Variants in NOL4L observed in about 807,000 individuals in gnomAD.
The protein encoded by NOL4L is nucleolar protein 4 like, also known as nucleolar protein 4-like.
Under a neutral mutation model 64.5 loss-of-function variants are expected in NOL4L, and 7 were observed. That is an observed-to-expected ratio of 0.11 (90% CI 0.06 to 0.20). The LOEUF is 0.20. Among genes scored for constraint, NOL4L ranks in the 10% least tolerant of loss-of-function variants. The probability of loss-of-function intolerance (pLI) is 1.00; values close to 1 mark genes in which losing one functional copy is unlikely to be tolerated. For missense variants in NOL4L, 680 were observed against 967.1 expected (o/e 0.70, Z 3.94); for synonymous variants, 413 against 401.0 (o/e 1.03, Z -0.36).
At chr20:32,555,991 G>T (rs535132090) in intron 1 of NOL4L, among the ~76,000 whole-genome samples, 3 of 152,094 alleles carry the variant, frequency 2.0e-5, no homozygotes, top group Non-Finnish European at 4.4e-5. Flanking sequence ...AGTATTCTGC[G>T]TATTTCTGTG....
chr20:32,476,375 C>T (rs2145486558), intron 4 of NOL4L, among the ~76,000 whole-genome samples: 1 of 152,300 alleles, frequency 6.6e-6, no homozygotes, highest in East Asian at 1.9e-4. Flanking sequence ...AGCAAGGCTG[C>T]AAGGTGCAGC....
At chr20:32,448,485 C>G in intron 10 of NOL4L, among the ~76,000 whole-genome samples, 1 of 152,210 alleles carries the variant, frequency 6.6e-6, no homozygotes, top group East Asian at 1.9e-4. Flanking sequence ...AACTGCACCC[C>G]CAGGAGGGAC....
At chr20:32,495,846 A>G (rs2016667587) in intron 4 of NOL4L, among the ~76,000 whole-genome samples, 1 of 151,932 alleles carries the variant, frequency 6.6e-6, no homozygotes, top group Non-Finnish European at 1.5e-5. Flanking sequence ...GGTCCCAGCT[A>G]CTCAGGAGGC....
chr20:32,453,850 G>T lies in NOL4L; in HGVS notation c.1120-89C>A. The T allele has an allele frequency of 7.8e-7, 1 of 1,287,400 alleles. No individual in the cohort carries two copies. 79.7% of individuals were successfully genotyped at this position (1,287,400 alleles called of 1,614,324 possible). ...CTACAGGCGGTGAGCTTGGGGACCA[G>T]GGTGGCACGCATGCCCTGCTGCCAC... On this transcript the variant is annotated intron_variant, in intron 6 of 10. Coordinates refer to ENST00000621426, the MANE Select transcript of NOL4L (RefSeq NM_001256798.2). This position sits in a 1 kb window ranked among gnomAD's most constrained non-coding sequence, Gnocchi z 5.6.
At chr20:32,558,195 C>T (rs980753198) in intron 1 of NOL4L, among the ~76,000 whole-genome samples, 4 of 152,254 alleles carry the variant, frequency 2.6e-5, no homozygotes, top group African/African-American at 9.6e-5. Flanking sequence ...CCCAGTGCCA[C>T]TGCCCTGTGT....
chr20:32,525,317 C>A (rs1242393299), intron 2 of NOL4L, among the ~76,000 whole-genome samples: 7 of 152,348 alleles, frequency 4.6e-5, no homozygotes, highest in African/African-American at 1.7e-4. Flanking sequence ...TCCAGCCCAT[C>A]CGCCTGGACA....
intron 10 of NOL4L, among the ~76,000 whole-genome samples, chr20:32,450,848 G>A (rs374430286): frequency 2.6e-5 from 4 of 152,172 alleles, no homozygotes; most frequent in Admixed American, 6.5e-5. Flanking sequence ...ACCTCTCACC[G>A]TGCTGGCCAC....
At chr20:32,488,873 TTCTTTCTTTC>T (rs1568649504) in intron 4 of NOL4L, among the ~76,000 whole-genome samples, 7 of 105,562 alleles carry the variant, frequency 6.6e-5, no homozygotes, top group African/African-American at 5.5e-5. Flanking sequence ...CTTTCTTTCT[TTCTTTCTTTC>T]TTTCTTTCTT....
intron 1 of NOL4L, among the ~76,000 whole-genome samples, chr20:32,583,222 G>C (rs1980603176): frequency 6.6e-6 from 1 of 151,598 alleles, no homozygotes; most frequent in Admixed American, 6.6e-5. Context: ...GCGGCCTGCA[G>C]CCCCGTCCCC....
rs546809760 is a variant in NOL4L at position 32,492,722 on chromosome 20, C to A, written c.700-17980G>T. On this transcript the variant is annotated intron_variant, in intron 4 of 10. Coordinates refer to ENST00000621426, the MANE Select transcript of NOL4L (RefSeq NM_001256798.2). ...GTATGTGTTATCTTATTTAATCCAC[C>A]AAATAACAAGGTTGATATTCATTTG... 2.6e-5 allele frequency among the ~76,000 whole-genome samples: 4 copies of A among 152,292 alleles called. No homozygotes were observed. In the East Asian group the frequency reaches 7.7e-4, roughly 29 times the overall value.
Position 32,513,218 on chromosome 20 carries a change from G to T in NOL4L, c.590-1762C>A, listed in dbSNP as rs1255867847. ...AGGAGGCCCAAGAGACAGGCTGCAG[G>T]GTGACAGGGCCGAGGTCCAGGAGGA... On this transcript the variant is annotated intron_variant, in intron 3 of 10. Coordinates refer to ENST00000621426, the MANE Select transcript of NOL4L (RefSeq NM_001256798.2). Among the ~76,000 whole-genome samples, 15 of 152,128 alleles carry T rather than the reference G, an allele frequency of 9.9e-5. No homozygotes were observed. In the South Asian group the frequency reaches 3.1e-3, roughly 32 times the overall value.
chr20:32,547,840 A>T (rs1011184163), intron 1 of NOL4L, among the ~76,000 whole-genome samples: 1 of 152,072 alleles, frequency 6.6e-6, no homozygotes, highest in African/African-American at 2.4e-5. Context: ...CTGACATTCC[A>T]GCCTCCCTGG....
Position 32,452,885 on chromosome 20 carries a change from T to C in NOL4L, c.1619A>G (p.Gln540Arg), listed in dbSNP as rs1568593588. The change falls in exon 9 of 11, where the codon CAG (glutamine) becomes CGG (arginine). Residue 540 changes from glutamine (Q) to arginine (R), a missense_variant and splice_region_variant. By Grantham distance (43) the Gln-to-Arg change is conservative (BLOSUM62 1). Transcript: ENST00000621426. Reference protein sequence around the residue: ...RMRLEIYQSSQDEPIALDKQH... With the variant: ...RMRLEIYQSSRDEPIALDKQH... ...TGTAGTGGCTGCGGTGGCAGGTACC[T>C]GTGAGGACTGGTAGATCTCTAGACG... The C allele has an allele frequency of 1.2e-6, 2 of 1,613,764 alleles. No individual in the cohort carries two copies. The highest frequency in any genetic ancestry group is 1.7e-6 in the Non-Finnish European group (2 of 1,179,960).
At chr20:32,523,864 A>G (rs2018032238) in intron 2 of NOL4L, among the ~76,000 whole-genome samples, 1 of 152,240 alleles carries the variant, frequency 6.6e-6, no homozygotes, top group Non-Finnish European at 1.5e-5. Context: ...CTATTTGCAG[A>G]GTCGCTGACT....
At chr20:32,561,235 G>C (rs886472017) in intron 1 of NOL4L, 1 of 152,318 alleles carries the variant, frequency 6.6e-6, no homozygotes, top group Non-Finnish European at 1.5e-5. Flanking sequence ...GACCATGGGG[G>C]CCCTTGGGGC....
chr20:32,532,590 C>A (rs2018382997), intron 1 of NOL4L, among the ~76,000 whole-genome samples: 1 of 152,188 alleles, frequency 6.6e-6, no homozygotes, highest in Non-Finnish European at 1.5e-5. Flanking sequence ...ATAAAGGAAG[C>A]AGAAAGCACC....
intron 5 of NOL4L, among the ~76,000 whole-genome samples, chr20:32,461,507 C>T (rs1249416891): frequency 6.7e-6 from 1 of 150,004 alleles, no homozygotes; most frequent in East Asian, 2.0e-4. Context: ...ACTGCAAGCT[C>T]CGCCTCCCGG....
At chr20:32,573,197 T>G (rs1216680855) in intron 1 of NOL4L, among the ~76,000 whole-genome samples, 1 of 152,120 alleles carries the variant, frequency 6.6e-6, no homozygotes, top group Non-Finnish European at 1.5e-5. Flanking sequence ...TTTTAGTTAT[T>G]ATAGAGACAC....
chr20:32,474,067 C>T (rs972951347), intron 5 of NOL4L, among the ~76,000 whole-genome samples: 13 of 152,320 alleles, frequency 8.5e-5, no homozygotes, highest in Non-Finnish European at 1.6e-4. Context: ...GCAGGCCCTG[C>T]GCGGAGGCGG....
Sources: allele counts gnomAD v4.1 joint callset (sites outside exome capture counted in the v4.1 genomes callset), GRCh38; gene constraint gnomAD v4.1.1; non-coding constraint Gnocchi (gnomAD v3.1); transcripts MANE v1.5; gene names NCBI Gene and HGNC (gene_info 2026-07-23, HGNC 2026-07-21).